LRRC8C: variants seen among roughly 807,000 people sequenced by gnomAD.
LRRC8C encodes the protein leucine rich repeat containing 8 VRAC subunit C, also known as volume-regulated anion channel subunit LRRC8C.
LRRC8C carries 20 observed loss-of-function variants against 55.3 expected under a neutral mutation model. That is an observed-to-expected ratio of 0.36 (90% CI 0.25 to 0.53). The LOEUF (loss-of-function observed/expected upper bound fraction) is 0.53, where lower values mean the gene tolerates loss of function less well. Ranked by LOEUF, LRRC8C falls within the 20% of genes least tolerant of loss-of-function variation. The probability of loss-of-function intolerance (pLI) is 0.92; values close to 1 mark genes in which losing one functional copy is unlikely to be tolerated. For synonymous variants in LRRC8C, 376 were observed against 360.7 expected (o/e 1.04, Z -0.48); for missense variants, 659 against 951.4 (o/e 0.69, Z 4.04).
rs1212570073 is a variant in LRRC8C, at chr1:89,716,763, ATGT to A, written c.*1786_*1788del. 1 of 152,168 alleles carries A rather than the reference ATGT, an allele frequency of 6.6e-6. No homozygotes were observed. Among genetic ancestry groups the A allele is most frequent in the Non-Finnish European group, 1.5e-5 (1 of 68,014 alleles). The allele number at this position is 152,168 out of a possible 1,614,324, so 9.4% of individuals were successfully genotyped here. A position where few individuals can be genotyped will look rare whatever the true frequency, so the allele number is the denominator to read the frequency against. On this transcript the variant is annotated 3_prime_UTR_variant, in exon 3 of 3. Coordinates refer to ENST00000370454, the MANE Select transcript of LRRC8C (RefSeq NM_032270.5). ...TAGAAAGATGCTTTGGGTTTTCAAAATGTTGTTTTTTAAAATTGTTCTTTGGGT... is the reference window on the plus strand; with the variant it reads ...TAGAAAGATGCTTTGGGTTTTCAAAATGTTTTTTAAAATTGTTCTTTGGGT...
At chr1:89,711,283 T>TAG (rs1658641387) in intron 2 of LRRC8C, among the ~76,000 whole-genome samples, 1 of 152,240 alleles carries the variant, frequency 6.6e-6, no homozygotes, top group Non-Finnish European at 1.5e-5. Flanking sequence ...TGCTTCTATA[T>TAG]GGTAGGCTGC....
At position 89,713,935 on chromosome 1, in the gene LRRC8C, G is replaced by A. The variant is rs1169161315; in HGVS notation, c.1365G>A (p.Lys455=). The A allele has an allele frequency of 4.3e-6, 7 of 1,613,920 alleles. No homozygotes were observed. The highest frequency in any genetic ancestry group is 1.3e-5 in the African/African-American group (1 of 75,030). The change falls in exon 3 of 3, where the codon AAG becomes AAA. Residue 455 remains lysine, a synonymous_variant. Transcript: ENST00000370454. The surrounding 1 kb of genome is among the most constrained non-coding windows in gnomAD (Gnocchi z 5.2). Reference sequence around the variant, plus strand: ...AATCTCTAAAACTTGAAATCATTAAGAACGTAATGATACCAGCCACCATTG... The same window carrying A: ...AATCTCTAAAACTTGAAATCATTAAAAACGTAATGATACCAGCCACCATTG... The part of the protein sequence containing the change: ...ELQSLKLEII[K]NVMIPATIAQ...
intron 1 of LRRC8C, among the ~76,000 whole-genome samples, chr1:89,643,466 C>G (rs1382271267): frequency 6.6e-6 from 1 of 152,166 alleles, no homozygotes; most frequent in African/African-American, 2.4e-5. Context: ...GTAATGACTA[C>G]CATTCTGCAT....
At chr1:89,693,344 G>A (rs939829517) in intron 2 of LRRC8C, among the ~76,000 whole-genome samples, 4 of 152,178 alleles carry the variant, frequency 2.6e-5, no homozygotes, top group Non-Finnish European at 5.9e-5. Flanking sequence ...GCAGTTCACT[G>A]GAAAGTACAG....
In LRRC8C at chr1:89,718,330, A is replaced by G. The variant is rs1405938328; in HGVS notation, c.*3348A>G. ...ATGAATATTTTGTTCAGATGTAGCC[A>G]TTTACCTGGCTCTCAAGTTGTCTTT... On this transcript the variant is annotated 3_prime_UTR_variant, in exon 3 of 3. Transcript: ENST00000370454. 2 of 152,152 alleles carry G rather than the reference A, an allele frequency of 1.3e-5. No homozygotes were observed. Among genetic ancestry groups the G allele is most frequent in the Non-Finnish European group, 2.9e-5 (2 of 68,000 alleles). The allele number at this position is 152,152 out of a possible 1,614,324, so 9.4% of individuals were successfully genotyped here.
intron 1 of LRRC8C, among the ~76,000 whole-genome samples, chr1:89,680,549 C>CTTTTT (rs10593283): frequency 1.6e-4 from 15 of 91,874 alleles, no homozygotes; most frequent in East Asian, 3.7e-4. Context: ...TGCTTTCATG[C>CTTTTT]TTTTTTTTTT....
At chr1:89,626,552 C>G in the LRRC8C span, 1 of 152,124 alleles carries the variant, frequency 6.6e-6, no homozygotes, top group Non-Finnish European at 1.5e-5. Flanking sequence ...CATAACTCCT[C>G]CTCAGGTTTA....
chr1:89,653,793 A>G (rs778527771), intron 1 of LRRC8C, among the ~76,000 whole-genome samples: 1 of 152,230 alleles, frequency 6.6e-6, no homozygotes, highest in Non-Finnish European at 1.5e-5. Flanking sequence ...ATGTACTGAA[A>G]TATGGATGGT....
At chr1:89,667,956 C>A (rs1657317937) in intron 1 of LRRC8C, among the ~76,000 whole-genome samples, 1 of 152,014 alleles carries the variant, frequency 6.6e-6, no homozygotes, top group African/African-American at 2.4e-5. Flanking sequence ...AGCATTTGAA[C>A]CAGTCTTAGA....
At chr1:89,633,876 C>T (rs1361933500) in intron 1 of LRRC8C, among the ~76,000 whole-genome samples, 1 of 152,162 alleles carries the variant, frequency 6.6e-6, no homozygotes, top group African/African-American at 2.4e-5. Context: ...CTTGATCGGG[C>T]GGGCCCCAGA....
chr1:89,692,730 T>G (rs1327786765), intron 2 of LRRC8C, among the ~76,000 whole-genome samples: 8 of 152,198 alleles, frequency 5.3e-5, no homozygotes, highest in Non-Finnish European at 1.2e-4. Context: ...TATGTGTCTG[T>G]CCTATTCCTG....
At chr1:89,700,864 A>G (rs1317739187) in intron 2 of LRRC8C, among the ~76,000 whole-genome samples, 1 of 152,254 alleles carries the variant, frequency 6.6e-6, no homozygotes, top group African/African-American at 2.4e-5. Flanking sequence ...CTGTCTTTTT[A>G]AAGAATAAGA....
intron 1 of LRRC8C, among the ~76,000 whole-genome samples, chr1:89,644,542 G>A (rs1427430778): frequency 1.3e-5 from 2 of 152,198 alleles, no homozygotes; most frequent in Non-Finnish European, 2.9e-5. Flanking sequence ...TCCACTGGAT[G>A]AGATTTGAAT....
At chr1:89,662,526 ATTGCAATAATC>A (rs1242508636) in intron 1 of LRRC8C, among the ~76,000 whole-genome samples, 3 of 152,200 alleles carry the variant, frequency 2.0e-5, no homozygotes, top group Admixed American at 6.5e-5. Flanking sequence ...TCAGGAAGAT[ATTGCAATAATC>A]TTGCAATAAT....
chr1:89,637,108 C>G (rs904729121), intron 1 of LRRC8C, among the ~76,000 whole-genome samples: 1 of 152,048 alleles, frequency 6.6e-6, no homozygotes, highest in Non-Finnish European at 1.5e-5. Flanking sequence ...GGAAAGCTGT[C>G]ATTCTTAAAC....
At chr1:89,656,372 C>G (rs186048059) in intron 1 of LRRC8C, among the ~76,000 whole-genome samples, 175 of 152,314 alleles carry the variant, frequency 1.1e-3, no homozygotes, top group Non-Finnish European at 2.2e-3. Flanking sequence ...GGCCCTTGCT[C>G]TTAAGCACCT....
rs1205018169 is a variant in LRRC8C at position 89,716,386 on chromosome 1, G to A, written c.*1404G>A. On this transcript the variant is annotated 3_prime_UTR_variant, in exon 3 of 3. Coordinates refer to ENST00000370454, the MANE Select transcript of LRRC8C (RefSeq NM_032270.5). Reference sequence around the variant, plus strand: ...GCTGTGAACTAGTGCTACAAGCACGGGAAATCCATCTGCTCTCTGGCTTAA... The same window carrying A: ...GCTGTGAACTAGTGCTACAAGCACGAGAAATCCATCTGCTCTCTGGCTTAA... 2.0e-5 allele frequency: 3 copies of A among 152,306 alleles called. No individual in the cohort carries two copies. The highest frequency in any genetic ancestry group is 1.9e-4 in the East Asian group (1 of 5,188). 9.4% of individuals were successfully genotyped at this position (152,306 alleles called of 1,614,324 possible). A position where few individuals can be genotyped will look rare whatever the true frequency, so the allele number is the denominator to read the frequency against.
intron 1 of LRRC8C, among the ~76,000 whole-genome samples, chr1:89,651,175 G>A (rs993431936): frequency 6.6e-6 from 1 of 152,176 alleles, no homozygotes; most frequent in Non-Finnish European, 1.5e-5. Context: ...GACAAGCTGT[G>A]GCCCATGCAT....
chr1:89,706,157 A>G (rs1658475826), intron 2 of LRRC8C: 1 of 336,402 alleles, frequency 3.0e-6, no homozygotes, highest in Non-Finnish European at 5.8e-6. Context: ...TCTTGTTGGT[A>G]TCCCAAATAT....
Sources: allele counts gnomAD v4.1 joint callset (sites outside exome capture counted in the v4.1 genomes callset), GRCh38; gene constraint gnomAD v4.1.1; non-coding constraint Gnocchi (gnomAD v3.1); transcripts MANE v1.5; gene names NCBI Gene and HGNC (gene_info 2026-07-23, HGNC 2026-07-21).